DNAH14: variants seen among roughly 807,000 people sequenced by gnomAD.
DNAH14 encodes dynein axonemal heavy chain 14, also known as axonemal beta dynein heavy chain 14.
In DNAH14, 478 loss-of-function variants were observed where a neutral mutation model predicts 520.9. The observed-to-expected ratio is 0.92, with a 90% CI of 0.85 to 0.99. DNAH14 has a LOEUF of 0.99. Among genes scored for constraint, DNAH14 ranks in the 50% least tolerant of loss-of-function variants. The pLI is 0.00. For synonymous variants in DNAH14, 1,581 were observed against 1,757.2 expected (o/e 0.90, Z 2.51); for missense variants, 4,831 against 5,234.5 (o/e 0.92, Z 2.38).
At chr1:225,155,992 A>G (rs1390171031) in intron 34 of DNAH14, among the ~76,000 whole-genome samples, 1 of 152,152 alleles carries the variant, frequency 6.6e-6, no homozygotes, top group Non-Finnish European at 1.5e-5. Flanking sequence ...TCGTGACACC[A>G]AAATAATAAT....
intron 36 of DNAH14, among the ~76,000 whole-genome samples, chr1:225,182,890 A>G (rs905451922): frequency 6.6e-6 from 1 of 152,128 alleles, no homozygotes; most frequent in South Asian, 2.1e-4. Flanking sequence ...GTCCCAAATA[A>G]AATTCTGTGG....
In DNAH14 at chr1:225,335,331, GTGTGTACATGTGTGTGTATATGC is replaced by G. The variant is rs1558426878; in HGVS notation, c.10080+1826_10080+1848del. ...CACGTGTGTATATGCACATATACACGTGTGTACATGTGTGTGTATATGCATATACACGTGTACATGTGTGTGTA... is the reference window on the plus strand; with the variant it reads ...CACGTGTGTATATGCACATATACACGATATACACGTGTACATGTGTGTGTA... On this transcript the variant is annotated intron_variant, in intron 66 of 85. Coordinates refer to ENST00000682510, the MANE Select transcript of DNAH14 (RefSeq NM_001367479.1). Among the ~76,000 whole-genome samples the G allele has an allele frequency of 2.9e-4, 22 of 76,204 alleles. 2 individuals are homozygous for G. Among genetic ancestry groups the G allele is most frequent in the Non-Finnish European group, 1.9e-4 (7 of 36,870 alleles). The allele number at this position is 76,204 out of a possible 152,430, so 50.0% of individuals were successfully genotyped here.
chr1:224,993,554 T>A (rs1016510125), intron 8 of DNAH14, among the ~76,000 whole-genome samples: 1 of 151,972 alleles, frequency 6.6e-6, no homozygotes, highest in African/African-American at 2.4e-5. Flanking sequence ...TTCTCTCTCA[T>A]TTTTGATTTT....
chr1:225,389,879 C>T lies in DNAH14; in HGVS notation c.13330+6C>T. ...AGCTTTCTTCTTTCCACAAGGTGAG[C>T]ATTAGAACCAAGGTCAGCTCCAGAC... On this transcript the variant is annotated splice_donor_region_variant and intron_variant, in intron 83 of 85. Transcript: ENST00000682510. 10 of 1,551,340 alleles carry T rather than the reference C, an allele frequency of 6.4e-6. No homozygotes were observed. Among genetic ancestry groups the T allele is most frequent in the Non-Finnish European group, 8.7e-6 (10 of 1,146,766 alleles).
chr1:225,297,293 A>G (rs1458621218), intron 55 of DNAH14, among the ~76,000 whole-genome samples: 1 of 151,944 alleles, frequency 6.6e-6, no homozygotes, highest in Non-Finnish European at 1.5e-5. Context: ...TGAGTTGTCT[A>G]TCTTTATCTT....
chr1:225,065,198 G>C (rs530862193), intron 17 of DNAH14, among the ~76,000 whole-genome samples: 1 of 151,734 alleles, frequency 6.6e-6, no homozygotes, highest in African/African-American at 2.4e-5. Context: ...ACATCTTCCA[G>C]GGTTTTTATA....
intron 1 of DNAH14, among the ~76,000 whole-genome samples, chr1:224,936,864 T>C (rs2059073980): frequency 6.6e-6 from 1 of 152,026 alleles, no homozygotes; most frequent in African/African-American, 2.4e-5. Flanking sequence ...AAAAAAATTA[T>C]TCTCCATGAT....
intron 34 of DNAH14, among the ~76,000 whole-genome samples, chr1:225,157,817 A>G (rs1573575820): frequency 1.3e-5 from 2 of 152,334 alleles, no homozygotes; most frequent in Non-Finnish European, 1.5e-5. Flanking sequence ...CTTTGCCAAA[A>G]TACATTCAGA....
chr1:225,332,483 T>C (rs1022593188), intron 65 of DNAH14, among the ~76,000 whole-genome samples: 4 of 152,066 alleles, frequency 2.6e-5, no homozygotes, highest in African/African-American at 9.7e-5. Context: ...AGCCAGAGAA[T>C]ATGGGTTCAG....
chr1:225,039,017 A>G (rs2067213809), intron 12 of DNAH14, among the ~76,000 whole-genome samples, 194 bp downstream of exon 12: 1 of 152,144 alleles, frequency 6.6e-6, no homozygotes, highest in Non-Finnish European at 1.5e-5. Context: ...TCATTTGTTC[A>G]TTCATTCACC....
chr1:225,107,588 A>G (rs1220908052), intron 23 of DNAH14, among the ~76,000 whole-genome samples: 1 of 152,168 alleles, frequency 6.6e-6, no homozygotes, highest in Non-Finnish European at 1.5e-5. Context: ...GAAAAAAGGA[A>G]GAAGCTCCCC....
chr1:225,256,849 A>G (rs968166563), intron 44 of DNAH14, among the ~76,000 whole-genome samples: 1 of 152,328 alleles, frequency 6.6e-6, no homozygotes, highest in East Asian at 1.9e-4. Flanking sequence ...TTTGCTTAAT[A>G]TATAAAGGGA....
chr1:225,304,803 C>A, intron 57 of DNAH14, 105 bp from the exon 58 acceptor site: 1 of 1,099,448 alleles, frequency 9.1e-7, no homozygotes, highest in Non-Finnish European at 1.3e-6. Context: ...ATCTCCACAT[C>A]TCAGAAATAA....
At chr1:225,186,814 T>C (rs962853451) in intron 37 of DNAH14, among the ~76,000 whole-genome samples, 2 of 151,858 alleles carry the variant, frequency 1.3e-5, no homozygotes, top group African/African-American at 2.4e-5. Flanking sequence ...TATACTATAA[T>C]TTATTTAATG....
intron 3 of DNAH14, among the ~76,000 whole-genome samples, chr1:224,957,497 A>G (rs551200741): frequency 6.7e-6 from 1 of 150,026 alleles, no homozygotes; most frequent in South Asian, 2.2e-4. Flanking sequence ...GAGAATGTAT[A>G]AAGTGAGACT....
intron 23 of DNAH14, among the ~76,000 whole-genome samples, chr1:225,106,749 C>T (rs1044616773): frequency 6.6e-6 from 1 of 152,142 alleles, no homozygotes; most frequent in African/African-American, 2.4e-5. Context: ...TTAAGGACTT[C>T]TCTGCATTGG....
intron 7 of DNAH14, 22 bp downstream of exon 7, chr1:224,968,896 C>A (rs1458591038): frequency 6.7e-7 from 1 of 1,484,492 alleles, no homozygotes; most frequent in Non-Finnish European, 9.1e-7. Flanking sequence ...AAAATGAAAC[C>A]AATTCTTTGT....
At chr1:225,153,674 C>T in intron 33 of DNAH14, 76 bp from the exon 34 acceptor site, 1 of 1,033,676 alleles carries the variant, frequency 9.7e-7, no homozygotes, top group Non-Finnish European at 1.4e-6. Context: ...TGTAATTTAC[C>T]TATATACTGT....
chr1:225,306,843 T>C (rs931537890), intron 58 of DNAH14, among the ~76,000 whole-genome samples: 12 of 152,098 alleles, frequency 7.9e-5, no homozygotes, highest in Non-Finnish European at 1.0e-4. Flanking sequence ...CATATCTCGG[T>C]GGCAAAAGAC....
Sources: gnomAD v4.1 joint callset for allele counts (sites outside exome capture counted in the v4.1 genomes callset) on GRCh38, gnomAD v4.1.1 for gene constraint, MANE v1.5 for transcripts, NCBI Gene and HGNC (gene_info 2026-07-23, HGNC 2026-07-21) for gene names.